PLA2G4A: variants seen among roughly 807,000 people sequenced by gnomAD.
PLA2G4A encodes the protein phospholipase A2 group IVA, also known as cytosolic phospholipase A2.
In PLA2G4A, 40 loss-of-function variants were observed where a neutral mutation model predicts 81.9. The ratio of observed to expected loss-of-function variants is 0.49; its 90% CI spans 0.38 to 0.64. The LOEUF is 0.64. PLA2G4A is among the 30% of genes least tolerant of loss of function. PLA2G4A has a pLI of 0.00. For missense variants in PLA2G4A, 715 were observed against 905.1 expected (o/e 0.79, Z 2.69); for synonymous variants, 302 against 296.9 (o/e 1.02, Z -0.18).
At chr1:186,880,629 A>G (rs1350153617) in intron 3 of PLA2G4A, among the ~76,000 whole-genome samples, 4 of 152,046 alleles carry the variant, frequency 2.6e-5, no homozygotes, top group Non-Finnish European at 5.9e-5. Context: ...TTTTAATGAA[A>G]AAGAATAATT....
intron 1 of PLA2G4A, among the ~76,000 whole-genome samples, chr1:186,838,820 A>G (rs1194932093): frequency 2.6e-5 from 4 of 152,152 alleles, no homozygotes; most frequent in East Asian, 3.8e-4. Flanking sequence ...GAATTCCACA[A>G]TGTAAAGATG....
Position 186,915,748 on chromosome 1 carries a change from A to G in PLA2G4A, c.558+4359A>G, listed in dbSNP as rs571491794. 7.2e-5 allele frequency among the ~76,000 whole-genome samples: 11 copies of G among 152,172 alleles called. No individual in the cohort carries two copies. In the East Asian group the frequency reaches 2.1e-3, roughly 29 times the overall value. On this transcript the variant is annotated intron_variant, in intron 7 of 17. Coordinates refer to ENST00000367466, the MANE Select transcript of PLA2G4A (RefSeq NM_024420.3). ...GATTTGCAGCTTTGGAAATTTACTA[A>G]ATGGATTCCTCTCTGTGTGATTTGA...
rs115825311 is a variant in PLA2G4A at position 186,834,372 on chromosome 1, G to C, written c.-70+5337G>C. ...AGATGTGAAAAAGAGCTATTGAAAAGTCAAACGTTTTTTTCTTTTTTTTAA... is the reference window on the plus strand; with the variant it reads ...AGATGTGAAAAAGAGCTATTGAAAACTCAAACGTTTTTTTCTTTTTTTTAA... On this transcript the variant is annotated intron_variant, in intron 1 of 17. Coordinates refer to ENST00000367466, the MANE Select transcript of PLA2G4A (RefSeq NM_024420.3). 1.7e-3 allele frequency among the ~76,000 whole-genome samples: 266 copies of C among 152,138 alleles called. 2 individuals carry two copies. The highest frequency in any genetic ancestry group is 6.8e-3 in the Middle Eastern group (2 of 294).
chr1:186,875,582 T>C (rs986601820), intron 3 of PLA2G4A, among the ~76,000 whole-genome samples: 1 of 151,998 alleles, frequency 6.6e-6, no homozygotes, highest in Non-Finnish European at 1.5e-5. Context: ...CATTTACAAA[T>C]ATATTCTTTC....
chr1:186,932,762 G>A lies in PLA2G4A; in HGVS notation c.559-1G>A. ...CAAATCTCTCTGTTGCATCGTTTCA[G>A]GTGCCTGTGGTAGCCATATTGGGTT... is the stretch of plus-strand genomic sequence containing the variant. On this transcript the variant is annotated splice_acceptor_variant, in intron 7 of 17. Coordinates refer to ENST00000367466, the MANE Select transcript of PLA2G4A (RefSeq NM_024420.3). LOFTEE classifies it high-confidence loss of function. 1 of 1,613,574 alleles carries A rather than the reference G, an allele frequency of 6.2e-7. No individual in the cohort carries two copies. The highest frequency in any genetic ancestry group is 8.5e-7 in the Non-Finnish European group (1 of 1,179,570).
At chr1:186,847,633 A>G (rs143335322) in intron 1 of PLA2G4A, among the ~76,000 whole-genome samples, 2,198 of 152,276 alleles carry the variant, frequency 0.014, 67 homozygotes, top group African/African-American at 0.051. Context: ...TTTATATAAT[A>G]TATAAAACTT....
chr1:186,946,527 A>C (rs1656351379), intron 10 of PLA2G4A, 110 bp from the exon 11 acceptor site: 2 of 835,038 alleles, frequency 2.4e-6, no homozygotes, highest in African/African-American at 1.7e-5. Flanking sequence ...TGATATTTTA[A>C]ATACATGAAT....
chr1:186,831,102 G>A (rs1186414653), intron 1 of PLA2G4A, among the ~76,000 whole-genome samples: 1 of 148,426 alleles, frequency 6.7e-6, no homozygotes, highest in Non-Finnish European at 1.5e-5. Flanking sequence ...ATAATCTTGT[G>A]ACAGGTATGG....
chr1:186,955,730 A>T (rs1165540112), intron 13 of PLA2G4A, among the ~76,000 whole-genome samples: 3 of 76,608 alleles, frequency 3.9e-5, no homozygotes, highest in African/African-American at 9.4e-5. Context: ...TCCAAAGAAG[A>T]TCCCTTTTTT....
At chr1:186,981,641 C>T (rs377128950) in intron 17 of PLA2G4A, among the ~76,000 whole-genome samples, 36 of 152,250 alleles carry the variant, frequency 2.4e-4, no homozygotes, top group East Asian at 1.5e-3. Flanking sequence ...ATTGCATTAT[C>T]GTGCAACCAA....
chr1:186,915,210 G>A (rs1322684286), intron 7 of PLA2G4A, among the ~76,000 whole-genome samples: 3 of 152,134 alleles, frequency 2.0e-5, no homozygotes, highest in Non-Finnish European at 2.9e-5. Flanking sequence ...TCTATGTGTA[G>A]ACAGCAATTA....
intron 14 of PLA2G4A, 76 bp downstream of exon 14, chr1:186,956,420 T>C (rs2307199): frequency 0.95 from 1,253,895 of 1,324,588 alleles, 593,750 homozygotes; most frequent in East Asian, 1. Context: ...GCATTTTAAT[T>C]ATTATTAACA....
chr1:186,987,249 G>T (rs1368392038), intron 17 of PLA2G4A, among the ~76,000 whole-genome samples: 1 of 152,234 alleles, frequency 6.6e-6, no homozygotes, highest in Non-Finnish European at 1.5e-5. Flanking sequence ...ACGTGGTAAT[G>T]GGAGAATCCC....
At chr1:186,830,181 A>G (rs1651494408) in intron 1 of PLA2G4A, among the ~76,000 whole-genome samples, 1 of 152,206 alleles carries the variant, frequency 6.6e-6, no homozygotes. Context: ...TAAATTTTAA[A>G]TTAAGCAATA....
chr1:186,932,639 A>G (rs1571414447), intron 7 of PLA2G4A, 124 bp from the exon 8 acceptor site: 1 of 980,298 alleles, frequency 1.0e-6, no homozygotes, highest in Non-Finnish European at 1.7e-6. Flanking sequence ...TTACTAAAGT[A>G]TGAAGTTAAC....
intron 12 of PLA2G4A, among the ~76,000 whole-genome samples, chr1:186,950,333 A>G (rs1430197737): frequency 1.3e-5 from 2 of 152,158 alleles, no homozygotes; most frequent in Admixed American, 1.3e-4. Flanking sequence ...AGAAAAAGGC[A>G]TATTTTTTGG....
chr1:186,921,089 T>C (rs1412035509), intron 7 of PLA2G4A, among the ~76,000 whole-genome samples: 2 of 152,228 alleles, frequency 1.3e-5, no homozygotes, highest in Admixed American at 6.5e-5. Flanking sequence ...TTTACATTTG[T>C]AGTCTTTTGA....
intron 1 of PLA2G4A, among the ~76,000 whole-genome samples, chr1:186,841,561 A>C (rs768811675): frequency 3.9e-5 from 6 of 152,040 alleles, no homozygotes; most frequent in Admixed American, 2.6e-4. Flanking sequence ...TTATATCTTA[A>C]AGCCTCAGCT....
intron 7 of PLA2G4A, among the ~76,000 whole-genome samples, chr1:186,926,972 T>C (rs973972330): frequency 2.6e-5 from 4 of 152,218 alleles, no homozygotes; most frequent in African/African-American, 9.6e-5. Flanking sequence ...GGCTGTATAA[T>C]GAACTAGTCA....
Sources: gnomAD v4.1 joint callset for allele counts (sites outside exome capture counted in the v4.1 genomes callset) on GRCh38, gnomAD v4.1.1 for gene constraint, MANE v1.5 for transcripts, NCBI Gene and HGNC (gene_info 2026-07-23, HGNC 2026-07-21) for gene names.